The following CADM2 variants were observed in gnomAD, a reference collection of about 807,000 sequenced individuals.
CADM2 encodes cell adhesion molecule 2, also known as immunoglobulin superfamily member 4D.
A neutral mutation model predicts 49.8 loss-of-function variants in CADM2; 12 were observed. The ratio of observed to expected loss-of-function variants is 0.24; its 90% CI spans 0.15 to 0.39. The LOEUF (loss-of-function observed/expected upper bound fraction) is 0.39. Ranked by LOEUF, CADM2 falls within the 10% of genes least tolerant of loss-of-function variation. The pLI, the probability that CADM2 is intolerant of heterozygous loss-of-function variation, is 1.00. For synonymous variants in CADM2, 214 were observed against 175.4 expected (o/e 1.22, Z -1.74); for missense variants, 378 against 492.3 (o/e 0.77, Z 2.20).
intron 1 of CADM2, among the ~76,000 whole-genome samples, chr3:84,994,124 T>C (rs1559607200): frequency 6.6e-6 from 1 of 152,126 alleles, no homozygotes. Context: ...TTCTTTTCAA[T>C]ACTTCAGGCT....
intron 1 of CADM2, among the ~76,000 whole-genome samples, chr3:85,591,753 C>T (rs1576883697): frequency 6.6e-6 from 1 of 151,944 alleles, no homozygotes; most frequent in Non-Finnish European, 1.5e-5. Flanking sequence ...AGATGTGTAC[C>T]ATCTGCATGG....
intron 1 of CADM2, among the ~76,000 whole-genome samples, chr3:85,718,882 TTTATTATTATTATTA>T (rs71112111): frequency 0.22 from 30,434 of 141,226 alleles, 4,004 homozygotes; most frequent in Middle Eastern, 0.29. Context: ...TTAATGGTAT[TTTATTATTATTATTA>T]TTATTATTAT....
At chr3:85,710,375 A>G (rs1359833876) in intron 1 of CADM2, among the ~76,000 whole-genome samples, 1 of 152,128 alleles carries the variant, frequency 6.6e-6, no homozygotes, top group African/African-American at 2.4e-5. Flanking sequence ...CCAGACAATA[A>G]ATTTCAGGAA....
chr3:85,132,539 T>C (rs1018704260), intron 1 of CADM2, among the ~76,000 whole-genome samples: 3 of 152,094 alleles, frequency 2.0e-5, no homozygotes, highest in Non-Finnish European at 4.4e-5. Context: ...ATATTTCAAG[T>C]GTTTTTGCAG....
At chr3:85,719,461 G>C (rs2067420280) in intron 1 of CADM2, among the ~76,000 whole-genome samples, 1 of 152,074 alleles carries the variant, frequency 6.6e-6, no homozygotes, top group South Asian at 2.1e-4. Context: ...AAGCCTTATT[G>C]ATAACATAAA....
At chr3:85,563,752 C>G (rs529654407) in intron 1 of CADM2, among the ~76,000 whole-genome samples, 1 of 152,164 alleles carries the variant, frequency 6.6e-6, no homozygotes, top group Non-Finnish European at 1.5e-5. Context: ...TGATGACTAG[C>G]AACCGAAAAT....
At chr3:85,545,841 T>TAAA in intron 1 of CADM2, among the ~76,000 whole-genome samples, 1 of 152,300 alleles carries the variant, frequency 6.6e-6, no homozygotes, top group Non-Finnish European at 1.5e-5. Context: ...TCAGGTTGGA[T>TAAA]GAAGAAGAAC....
At chr3:85,893,823 C>A (rs1286887458) in intron 5 of CADM2, among the ~76,000 whole-genome samples, 1 of 151,984 alleles carries the variant, frequency 6.6e-6, no homozygotes, top group African/African-American at 2.4e-5. Context: ...GTTAGAATGG[C>A]GATCATTAAA....
At chr3:85,530,597 G>C (rs1033412088) in intron 1 of CADM2, among the ~76,000 whole-genome samples, 1 of 151,878 alleles carries the variant, frequency 6.6e-6, no homozygotes, top group Non-Finnish European at 1.5e-5. Context: ...CCAAAGTGCT[G>C]GGATTACAGG....
At chr3:85,033,914 A>G (rs894658393) in intron 1 of CADM2, among the ~76,000 whole-genome samples, 7 of 152,306 alleles carry the variant, frequency 4.6e-5, no homozygotes, top group African/African-American at 1.4e-4. Flanking sequence ...TCCTTTATAT[A>G]TGTCCATTAT....
At chr3:85,299,644 A>G (rs755297705) in intron 1 of CADM2, among the ~76,000 whole-genome samples, 1 of 151,980 alleles carries the variant, frequency 6.6e-6, no homozygotes, top group Non-Finnish European at 1.5e-5. Flanking sequence ...CTTGCAGCCC[A>G]TATTACTTCA....
intron 1 of CADM2, among the ~76,000 whole-genome samples, chr3:85,084,552 C>G (rs927029330): frequency 2.6e-5 from 4 of 152,114 alleles, no homozygotes; most frequent in Non-Finnish European, 5.9e-5. Flanking sequence ...ATTGTGAAGA[C>G]TTAATAGGAA....
chr3:85,953,729 T>A (rs28680314), intron 7 of CADM2, among the ~76,000 whole-genome samples: 33,164 of 150,656 alleles, frequency 0.22, 4,119 homozygotes, highest in African/African-American at 0.34. Context: ...CACCTCACAA[T>A]CCCTGGTTCA....
chr3:85,403,723 T>C (rs2035233920), intron 1 of CADM2, among the ~76,000 whole-genome samples: 1 of 152,064 alleles, frequency 6.6e-6, no homozygotes, highest in Non-Finnish European at 1.5e-5. Flanking sequence ...ATAATATGGG[T>C]TTTTAGATTT....
chr3:85,377,684 A>G (rs1462843623), intron 1 of CADM2, among the ~76,000 whole-genome samples: 1 of 152,078 alleles, frequency 6.6e-6, no homozygotes, highest in Admixed American at 6.6e-5. Flanking sequence ...GTGTATACTG[A>G]CTAATGAACA....
intron 1 of CADM2, among the ~76,000 whole-genome samples, chr3:85,410,450 G>T (rs980313139): frequency 6.6e-6 from 1 of 152,118 alleles, no homozygotes; most frequent in East Asian, 1.9e-4. Flanking sequence ...TTCTCGTGCA[G>T]CTCATTCAGA....
At chr3:85,849,026 T>C (rs1187528938) in intron 3 of CADM2, among the ~76,000 whole-genome samples, 1 of 152,192 alleles carries the variant, frequency 6.6e-6, no homozygotes, top group Non-Finnish European at 1.5e-5. Flanking sequence ...TAAAAACTAT[T>C]CACATGGCCC....
At chr3:86,040,513 C>G (rs562806511) in intron 8 of CADM2, among the ~76,000 whole-genome samples, 2 of 151,738 alleles carry the variant, frequency 1.3e-5, no homozygotes, top group Non-Finnish European at 2.9e-5. Flanking sequence ...TTAAATGAAG[C>G]GAGAAGAGAA....
chr3:85,790,761 T>A (rs1167533099), intron 2 of CADM2, among the ~76,000 whole-genome samples: 1 of 152,198 alleles, frequency 6.6e-6, no homozygotes, highest in East Asian at 1.9e-4. Context: ...CAACCTTTTC[T>A]GGCCTTGCAA....
Sources: allele counts gnomAD v4.1 joint callset (sites outside exome capture counted in the v4.1 genomes callset), GRCh38; gene constraint gnomAD v4.1.1; transcripts MANE v1.5; gene names NCBI Gene and HGNC (gene_info 2026-07-23, HGNC 2026-07-21).